The following TMLHE variants were observed in gnomAD, a reference collection of about 807,000 sequenced individuals.
TMLHE encodes the protein trimethyllysine dioxygenase, mitochondrial.
Under a neutral mutation model 25.7 loss-of-function variants are expected in TMLHE, and 18 were observed. That is an observed-to-expected ratio of 0.70 (90% CI 0.48 to 1.04). The LOEUF is 1.04. Among genes scored for constraint, TMLHE ranks in the 50% least tolerant of loss-of-function variants. TMLHE has a pLI of 0.00. For missense variants in TMLHE, 236 were observed against 259.0 expected (o/e 0.91, Z 0.61); for synonymous variants, 105 against 97.0 (o/e 1.08, Z -0.49).
At position 155,561,469 on chromosome X, in the gene TMLHE, C is replaced by G. The variant is rs1434555395; in HGVS notation, c.-1-16192G>C. ...GACATGAGACTTGGGTGGGGACATACAGCCAAACCATATTATCCCACCCCT... is the reference window on the plus strand; with the variant it reads ...GACATGAGACTTGGGTGGGGACATAGAGCCAAACCATATTATCCCACCCCT... On this transcript the variant is annotated intron_variant, in intron 1 of 7. Transcript: ENST00000334398. Among the ~76,000 whole-genome samples the G allele has an allele frequency of 3.3e-5, 2 of 60,996 alleles. 1 individual carries two copies. Among genetic ancestry groups the G allele is most frequent in the Non-Finnish European group, 9.2e-5 (2 of 21,798 alleles). The allele number at this position is 60,996 out of a possible 115,157, so 53.0% of individuals were successfully genotyped here. A position where few individuals can be genotyped will look rare whatever the true frequency, so the allele number is the denominator to read the frequency against.
intron 1 of TMLHE, among the ~76,000 whole-genome samples, chrX:155,548,521 GTCAGC>G (rs2067376195): frequency 1.8e-5 from 2 of 108,301 alleles, no homozygotes; most frequent in African/African-American, 7.1e-5. Context: ...GGATCACAAG[GTCAGC>G]AGTATGAGGC....
intron 2 of TMLHE, among the ~76,000 whole-genome samples, chrX:155,540,375 A>C (rs868978015): frequency 9.0e-6 from 1 of 110,959 alleles, no homozygotes; most frequent in Middle Eastern, 4.2e-3. Flanking sequence ...GCTAGAAAGG[A>C]GTGAAATAAT....
intron 2 of TMLHE, among the ~76,000 whole-genome samples, chrX:155,536,848 A>C (rs900563291): frequency 7.1e-5 from 8 of 112,055 alleles, no homozygotes; most frequent in African/African-American, 1.9e-4. Flanking sequence ...GAGAAAGGGA[A>C]TCTTCCATCT....
chrX:155,506,191 C>T (rs955402638), intron 6 of TMLHE, among the ~76,000 whole-genome samples: 1 of 110,587 alleles, frequency 9.0e-6, no homozygotes, highest in East Asian at 2.8e-4. Flanking sequence ...TGGAAGAGGG[C>T]TCACAATGGA....
intron 2 of TMLHE, among the ~76,000 whole-genome samples, chrX:155,542,528 G>A (rs1660335558): frequency 1.8e-5 from 2 of 111,475 alleles, no homozygotes; most frequent in Admixed American, 9.5e-5. Context: ...AAAGTCATAC[G>A]GAATCTCAAG....
chrX:155,557,681 C>T (rs1307476123), intron 1 of TMLHE, among the ~76,000 whole-genome samples: 2 of 111,215 alleles, frequency 1.8e-5, no homozygotes, highest in Non-Finnish European at 3.8e-5. Flanking sequence ...TCATGAAGCA[C>T]CTTTTAATGA....
chrX:155,563,723 G>A lies in TMLHE; in HGVS notation c.-1-18446C>T, dbSNP rs1254832937. ...ATGAGCTGCAGATACAAATTTGGCA[G>A]TTGTTCCATAGTTGGTATTTAAAGT... On this transcript the variant is annotated intron_variant, in intron 1 of 7. Coordinates refer to ENST00000334398, the MANE Select transcript of TMLHE (RefSeq NM_018196.4). Among the ~76,000 whole-genome samples, 4 of 61,564 alleles carry A rather than the reference G, an allele frequency of 6.5e-5. 1 individual carries two copies. Among genetic ancestry groups the A allele is most frequent in the Non-Finnish European group, 1.8e-4 (4 of 22,011 alleles). 53.5% of individuals were successfully genotyped at this position (61,564 alleles called of 115,157 possible). A position where few individuals can be genotyped will look rare whatever the true frequency, so the allele number is the denominator to read the frequency against.
intron 1 of TMLHE, among the ~76,000 whole-genome samples, chrX:155,602,336 G>A (rs1466616553): frequency 9.0e-6 from 1 of 111,101 alleles, no homozygotes; most frequent in African/African-American, 3.3e-5. Context: ...ATGCAGATAA[G>A]CCATCTGACA....
At chrX:155,509,006 G>A (rs1431568987) in intron 5 of TMLHE, among the ~76,000 whole-genome samples, 1 of 110,984 alleles carries the variant, frequency 9.0e-6, no homozygotes, top group Non-Finnish European at 1.9e-5. Flanking sequence ...GTATGGAAAG[G>A]CTGAAGATAG....
At chrX:155,534,337 G>A (rs2067266247) in intron 2 of TMLHE, among the ~76,000 whole-genome samples, 1 of 111,271 alleles carries the variant, frequency 9.0e-6, no homozygotes, top group Non-Finnish European at 1.9e-5. Flanking sequence ...GGGTTCAAGC[G>A]ATTCTCCTGC....
rs1227740695 is a variant in TMLHE, at chrX:155,509,459, G to A, written c.758+2214C>T. ...CATACTGCTAATTTACTTGGTCCTT[G>A]CCATTGATTACAAACAATTAAACTA... On this transcript the variant is annotated intron_variant, in intron 5 of 7. Transcript: ENST00000334398. Among the ~76,000 whole-genome samples, 24 of 111,548 alleles carry A rather than the reference G, an allele frequency of 2.2e-4. No individual in the cohort carries two copies. In the Admixed American group the frequency reaches 2.3e-3, roughly 11 times the overall value.
In TMLHE at chrX:155,548,591, C is replaced by T. The variant is rs183926020; in HGVS notation, c.-1-3314G>A. On this transcript the variant is annotated intron_variant, in intron 1 of 7. Coordinates refer to ENST00000334398, the MANE Select transcript of TMLHE (RefSeq NM_018196.4). ...TCTACTAAAAAATACAAAAATTAGC[C>T]GGGTGTGGTGGCACACACCTGTATT... Among the ~76,000 whole-genome samples, 417 of 108,692 alleles carry T rather than the reference C, an allele frequency of 3.8e-3. 13 individuals carry two copies. Among genetic ancestry groups the T allele is most frequent in the Admixed American group, 0.031 (318 of 10,350 alleles). 94.4% of individuals were successfully genotyped at this position (108,692 alleles called of 115,157 possible).
At chrX:155,541,593 C>T (rs1295339596) in intron 2 of TMLHE, among the ~76,000 whole-genome samples, 6 of 111,375 alleles carry the variant, frequency 5.4e-5, no homozygotes, top group South Asian at 3.8e-4. Context: ...ATGGTAATTC[C>T]AGTTCTAGAT....
intron 2 of TMLHE, among the ~76,000 whole-genome samples, chrX:155,533,100 C>T (rs190180568): frequency 1.4e-3 from 151 of 111,336 alleles, no homozygotes; most frequent in African/African-American, 4.8e-3. Flanking sequence ...TTCTGCAATG[C>T]GGGAATAATT....
chrX:155,515,301 T>C (rs926388685), intron 3 of TMLHE, among the ~76,000 whole-genome samples: 1 of 111,163 alleles, frequency 9.0e-6, no homozygotes, highest in Non-Finnish European at 1.9e-5. Context: ...ATTTTATCAT[T>C]TTAAAAATTC....
intron 1 of TMLHE, among the ~76,000 whole-genome samples, chrX:155,560,986 G>T (rs1389965291): frequency 1.6e-5 from 1 of 61,078 alleles, no homozygotes; most frequent in African/African-American, 3.6e-5. Flanking sequence ...TGGATTTATT[G>T]AAGTAATCCA....
intron 1 of TMLHE, among the ~76,000 whole-genome samples, chrX:155,596,263 T>C (rs782483223): frequency 3.6e-5 from 4 of 112,240 alleles, no homozygotes; most frequent in African/African-American, 1.3e-4. Context: ...TTTTTCTGGA[T>C]TGGTGCCATT....
chrX:155,524,831 A>G (rs919541671), intron 2 of TMLHE, among the ~76,000 whole-genome samples, 199 bp from the exon 3 acceptor site: 13 of 111,762 alleles, frequency 1.2e-4, no homozygotes, highest in Admixed American at 9.5e-4. Context: ...AAATAGATAA[A>G]ATGATGGAAG....
chrX:155,605,788 G>C (rs1007451366), intron 1 of TMLHE, among the ~76,000 whole-genome samples: 1 of 111,465 alleles, frequency 9.0e-6, no homozygotes, highest in South Asian at 3.8e-4. Context: ...AAAATTAAAA[G>C]GTATCCAACG....
Sources: gnomAD v4.1 joint callset for allele counts (sites outside exome capture counted in the v4.1 genomes callset) on GRCh38, gnomAD v4.1.1 for gene constraint, MANE v1.5 for transcripts, NCBI Gene and HGNC (gene_info 2026-07-23, HGNC 2026-07-21) for gene names.